Variants in SLC10A7 observed in about 807,000 individuals in gnomAD.
The protein encoded by SLC10A7 is solute carrier family 10 member 7.
Under a neutral mutation model 43.2 loss-of-function variants are expected in SLC10A7, and 29 were observed. That is an observed-to-expected ratio of 0.67 (90% CI 0.50 to 0.92). The LOEUF (loss-of-function observed/expected upper bound fraction) is 0.92. Among genes scored for constraint, SLC10A7 ranks in the 40% least tolerant of loss-of-function variants. The pLI is 0.00. For missense variants in SLC10A7, 295 were observed against 403.2 expected (o/e 0.73, Z 2.30); for synonymous variants, 152 against 144.8 (o/e 1.05, Z -0.35).
chr4:146,322,921 G>T (rs1343555820), intron 6 of SLC10A7, among the ~76,000 whole-genome samples: 1 of 152,090 alleles, frequency 6.6e-6, no homozygotes, highest in Non-Finnish European at 1.5e-5. Flanking sequence ...ATTCTAACTG[G>T]TATGAGATGG....
intron 5 of SLC10A7, among the ~76,000 whole-genome samples, chr4:146,328,509 T>C (rs915514683): frequency 1.3e-5 from 2 of 152,168 alleles, no homozygotes; most frequent in African/African-American, 4.8e-5. Flanking sequence ...CTTCTACCAC[T>C]GCTGCTGCCA....
intron 4 of SLC10A7, among the ~76,000 whole-genome samples, chr4:146,456,755 T>A (rs1732101664): frequency 6.6e-6 from 1 of 151,860 alleles, no homozygotes; most frequent in Admixed American, 6.6e-5. Flanking sequence ...GATCACATGA[T>A]TGAATTCAAT....
chr4:146,459,096 TA>T (rs1732314737), intron 4 of SLC10A7, among the ~76,000 whole-genome samples: 2 of 151,750 alleles, frequency 1.3e-5, no homozygotes, highest in Non-Finnish European at 1.5e-5. Context: ...TTAATAAAAA[TA>T]TTTTTCACAA....
intron 6 of SLC10A7, among the ~76,000 whole-genome samples, chr4:146,325,020 A>G (rs1733004087): frequency 6.6e-6 from 1 of 152,210 alleles, no homozygotes; most frequent in Non-Finnish European, 1.5e-5. Flanking sequence ...TTTCCTACTC[A>G]GCGGGTAAGA....
intron 5 of SLC10A7, among the ~76,000 whole-genome samples, chr4:146,393,552 T>C (rs1738601330): frequency 6.6e-6 from 1 of 152,238 alleles, no homozygotes; most frequent in South Asian, 2.1e-4. Flanking sequence ...CCCTGTTCAC[T>C]ATGGAATAGA....
At chr4:146,374,313 G>T (rs1737004679) in intron 5 of SLC10A7, among the ~76,000 whole-genome samples, 1 of 152,096 alleles carries the variant, frequency 6.6e-6, no homozygotes, top group Non-Finnish European at 1.5e-5. Flanking sequence ...TTTGGGCCAG[G>T]TGCGGTGGCT....
intron 3 of SLC10A7, among the ~76,000 whole-genome samples, chr4:146,506,269 A>T (rs1298495722): frequency 6.6e-6 from 1 of 152,214 alleles, no homozygotes; most frequent in Non-Finnish European, 1.5e-5. Context: ...CAAAAAAAAA[A>T]ATTTGCCAAC....
chr4:146,451,733 T>C (rs986604100), intron 4 of SLC10A7, among the ~76,000 whole-genome samples: 5 of 152,050 alleles, frequency 3.3e-5, no homozygotes, highest in Admixed American at 6.6e-5. Flanking sequence ...ACACCTTAGA[T>C]AGAAGTTACA....
intron 5 of SLC10A7, among the ~76,000 whole-genome samples, chr4:146,357,378 C>G (rs572420993): frequency 6.6e-6 from 1 of 152,240 alleles, no homozygotes; most frequent in South Asian, 2.1e-4. Flanking sequence ...TCTTCATTTT[C>G]CAGCTAAAAT....
intron 2 of SLC10A7, chr4:146,514,172 G>A (rs1472555499): frequency 6.6e-6 from 1 of 152,188 alleles, no homozygotes; most frequent in Non-Finnish European, 1.5e-5. Context: ...CTAAAGTTTA[G>A]AGTTTGCTAT....
At chr4:146,426,169 T>G (rs959551701) in intron 5 of SLC10A7, among the ~76,000 whole-genome samples, 1 of 152,246 alleles carries the variant, frequency 6.6e-6, no homozygotes, top group Non-Finnish European at 1.5e-5. Context: ...TGCCACTTTT[T>G]CCTGACAATC....
chr4:146,267,428 T>C (rs1355587892), intron 10 of SLC10A7, among the ~76,000 whole-genome samples: 1 of 152,190 alleles, frequency 6.6e-6, no homozygotes, highest in African/African-American at 2.4e-5. Context: ...AACTCAACTT[T>C]CTGCAGAGTC....
At chr4:146,481,006 C>T (rs1734426097) in intron 4 of SLC10A7, among the ~76,000 whole-genome samples, 1 of 152,148 alleles carries the variant, frequency 6.6e-6, no homozygotes, top group Admixed American at 6.5e-5. Context: ...CTCCTGTACA[C>T]CAGAGCAGCA....
intron 4 of SLC10A7, among the ~76,000 whole-genome samples, chr4:146,471,202 T>C (rs1439115277): frequency 6.6e-6 from 1 of 152,166 alleles, no homozygotes; most frequent in Non-Finnish European, 1.5e-5. Flanking sequence ...GAGTGTCATG[T>C]TGCCATTCAA....
At chr4:146,342,542 A>G (rs1734339310) in intron 5 of SLC10A7, among the ~76,000 whole-genome samples, 1 of 151,790 alleles carries the variant, frequency 6.6e-6, no homozygotes, top group Non-Finnish European at 1.5e-5. Context: ...TATGTGAATT[A>G]GAAATACTAG....
chr4:146,379,935 TTCTCTCTC>T (rs5862757), intron 5 of SLC10A7, among the ~76,000 whole-genome samples: 1 of 146,400 alleles, frequency 6.8e-6, no homozygotes, highest in African/African-American at 2.5e-5. Context: ...TGACAAATAA[TTCTCTCTC>T]TCTCTCTCTC....
intron 5 of SLC10A7, among the ~76,000 whole-genome samples, chr4:146,427,515 G>T (rs1236059326): frequency 6.6e-6 from 1 of 152,064 alleles, no homozygotes; most frequent in Non-Finnish European, 1.5e-5. Context: ...AAATTCTACA[G>T]AGACATATGG....
chr4:146,368,290 G>A (rs762214342), intron 5 of SLC10A7, among the ~76,000 whole-genome samples: 1 of 152,148 alleles, frequency 6.6e-6, no homozygotes, highest in African/African-American at 2.4e-5. Flanking sequence ...TTGGGCTTCC[G>A]GCAAGCTGCA....
intron 5 of SLC10A7, among the ~76,000 whole-genome samples, chr4:146,414,802 A>G (rs1400910610): frequency 6.6e-6 from 1 of 152,098 alleles, no homozygotes; most frequent in Non-Finnish European, 1.5e-5. Flanking sequence ...AAACCTATGC[A>G]TTACTGAAAG....
Sources: gnomAD v4.1 joint callset for allele counts (sites outside exome capture counted in the v4.1 genomes callset) on GRCh38, gnomAD v4.1.1 for gene constraint, MANE v1.5 for transcripts, NCBI Gene and HGNC (gene_info 2026-07-23, HGNC 2026-07-21) for gene names.